ARSG: variants seen among roughly 807,000 people sequenced by gnomAD.
The protein encoded by ARSG is ASG.
A neutral mutation model predicts 50.5 loss-of-function variants in ARSG; 37 were observed. That is an observed-to-expected ratio of 0.73 (90% CI 0.56 to 0.96). ARSG has a LOEUF of 0.96. Ranked by LOEUF, ARSG falls within the 50% of genes least tolerant of loss-of-function variation. The probability of loss-of-function intolerance (pLI) is 0.00; values close to 1 mark genes in which losing one functional copy is unlikely to be tolerated. For synonymous variants in ARSG, 225 were observed against 254.6 expected, an observed-to-expected ratio of 0.88 and a Z score of 1.11; for missense variants, 629 against 675.3, an observed-to-expected ratio of 0.93 and a Z score of 0.76.
intron 1 of ARSG, among the ~76,000 whole-genome samples, chr17:68,261,627 C>A (rs1183643853): frequency 2.0e-5 from 3 of 152,094 alleles, no homozygotes; most frequent in Non-Finnish European, 2.9e-5. Context: ...AATCTGCCCA[C>A]CTTAGCCTCC....
At chr17:68,324,589 A>G (rs917019414) in intron 2 of ARSG, among the ~76,000 whole-genome samples, 6 of 152,206 alleles carry the variant, frequency 3.9e-5, no homozygotes, top group African/African-American at 7.2e-5. Flanking sequence ...GCAGTCTTCA[A>G]TATGGCACCG....
rs1292338882 is a variant in ARSG at position 68,381,967 on chromosome 17, T to C, written c.983-3097T>C. Reference sequence around the variant, plus strand: ...CTATCATTTTCTTTCTTTCCTTTTTTTTTTTTTGACAGAGTCTCTGTCGTG... The same window carrying C: ...CTATCATTTTCTTTCTTTCCTTTTTCTTTTTTTGACAGAGTCTCTGTCGTG... On this transcript the variant is annotated intron_variant, in intron 8 of 11. Transcript: ENST00000621439. The surrounding 1 kb of genome is among the most constrained non-coding windows in gnomAD (Gnocchi z 4.1). Among the ~76,000 whole-genome samples, 1 of 151,830 alleles carries C rather than the reference T, an allele frequency of 6.6e-6. No homozygotes were observed. Among genetic ancestry groups the C allele is most frequent in the Non-Finnish European group, 1.5e-5 (1 of 67,920 alleles).
chr17:68,434,702 G>C, the ARSG span: 1 of 1,471,324 alleles, frequency 6.8e-7, no homozygotes, highest in Non-Finnish European at 9.3e-7. Flanking sequence ...AGAGGAGTTT[G>C]TTTTATTGGT....
At chr17:68,358,795 A>G (rs1014352138) in intron 6 of ARSG, among the ~76,000 whole-genome samples, 1 of 152,126 alleles carries the variant, frequency 6.6e-6, no homozygotes, top group Admixed American at 6.6e-5. Flanking sequence ...TGAGTCCAGG[A>G]GTTCAAGGCT....
intron 1 of ARSG, among the ~76,000 whole-genome samples, chr17:68,292,300 T>C (rs2076037748): frequency 6.6e-6 from 1 of 152,128 alleles, no homozygotes; most frequent in Admixed American, 6.5e-5. Context: ...GGGAGCCCTC[T>C]GTAAGGGACC....
At chr17:68,421,688 A>G (rs764499200), downstream of ARSG, 89 of 1,590,836 alleles carry the variant, frequency 5.6e-5, no homozygotes, top group Non-Finnish European at 7.6e-5. Flanking sequence ...TGCTCACACA[A>G]TTGCACTCCA....
At chr17:68,289,297 CAAAT>C (rs1331988425), upstream of ARSG, among the ~76,000 whole-genome samples, 1 of 152,124 alleles carries the variant, frequency 6.6e-6, no homozygotes, top group African/African-American at 2.4e-5. Flanking sequence ...TGCCTCTAAA[CAAAT>C]AAATAAGTAG....
At chr17:68,388,239 C>T (rs1013589177) in intron 9 of ARSG, among the ~76,000 whole-genome samples, 10 of 152,130 alleles carry the variant, frequency 6.6e-5, no homozygotes, top group African/African-American at 2.4e-4. Context: ...AACTGTGCTG[C>T]AGGCTTTCCC....
At chr17:68,425,063 G>A (rs75962108), downstream of ARSG, among the ~76,000 whole-genome samples, 2,566 of 152,298 alleles carry the variant, frequency 0.017, 82 homozygotes, top group African/African-American at 0.059. Context: ...TCCAGGTGAT[G>A]GAAGAAGCCA....
intron 1 of ARSG, chr17:68,273,829 GAGAA>G (rs2075421899): frequency 2.1e-6 from 3 of 1,409,824 alleles, no homozygotes; most frequent in Non-Finnish European, 2.9e-6. Context: ...AAAAAAGAAA[GAGAA>G]AGAAATATAG....
intron 9 of ARSG, among the ~76,000 whole-genome samples, chr17:68,391,654 C>T (rs1022669968): frequency 3.9e-5 from 6 of 152,168 alleles, no homozygotes; most frequent in African/African-American, 9.7e-5. Flanking sequence ...AGAGAAAACT[C>T]GAGCAAACAG....
At chr17:68,443,848 A>G in the ARSG span, among the ~76,000 whole-genome samples, 5 of 152,178 alleles carry the variant, frequency 3.3e-5, no homozygotes, top group Non-Finnish European at 5.9e-5. Flanking sequence ...TCCTCACCCC[A>G]CCACACAATG....
At chr17:68,270,629 C>T (rs182937171) in intron 1 of ARSG, among the ~76,000 whole-genome samples, 7 of 151,920 alleles carry the variant, frequency 4.6e-5, no homozygotes, top group Admixed American at 2.0e-4. Flanking sequence ...CACTAATTTA[C>T]CATCTGACCT....
At chr17:68,278,106 A>G in intron 1 of ARSG, 2 of 1,613,660 alleles carry the variant, frequency 1.2e-6, no homozygotes, top group Admixed American at 1.7e-5. Context: ...TGTTAAGACA[A>G]ACACACAGAT....
chr17:68,429,992 G>A, the ARSG span: 635 of 1,614,040 alleles, frequency 3.9e-4, no homozygotes, highest in African/African-American at 7.5e-3. Context: ...GTCATTGTAC[G>A]TACGTTGAGA....
intron 11 of ARSG, among the ~76,000 whole-genome samples, chr17:68,415,550 A>G (rs993101211): frequency 2.0e-5 from 3 of 152,160 alleles, no homozygotes; most frequent in Non-Finnish European, 4.4e-5. Flanking sequence ...GTTACAAGGT[A>G]TAGTTTAAAT....
intron 4 of ARSG, among the ~76,000 whole-genome samples, chr17:68,349,603 G>T (rs926654855): frequency 6.6e-6 from 1 of 152,142 alleles, no homozygotes; most frequent in Non-Finnish European, 1.5e-5. Context: ...CAACAAACAG[G>T]CTGGGCATGG....
At chr17:68,421,739 G>T, downstream of ARSG, 1 of 1,614,078 alleles carries the variant, frequency 6.2e-7, no homozygotes, top group Non-Finnish European at 8.5e-7. Flanking sequence ...CACCTGATAG[G>T]GGGGATGTCC....
At chr17:68,441,027 G>A in the ARSG span, 1 of 152,194 alleles carries the variant, frequency 6.6e-6, no homozygotes, top group Non-Finnish European at 1.5e-5. Flanking sequence ...ACCATGAACT[G>A]TTCAATGATC....
Sources: gnomAD v4.1 joint callset for allele counts (sites outside exome capture counted in the v4.1 genomes callset) on GRCh38, gnomAD v4.1.1 for gene constraint, Gnocchi (gnomAD v3.1) non-coding constraint, MANE v1.5 for transcripts, NCBI Gene and HGNC (gene_info 2026-07-23, HGNC 2026-07-21) for gene names.